Variants in FBXL4 observed in about 807,000 individuals in gnomAD.
FBXL4 encodes the protein F-box and leucine rich repeat protein 4, also known as F-box/LRR-repeat protein 4.
In FBXL4, 40 loss-of-function variants were observed where a neutral mutation model predicts 58.9. The ratio of observed to expected loss-of-function variants is 0.68; its 90% CI spans 0.53 to 0.88. The LOEUF (loss-of-function observed/expected upper bound fraction) is 0.88. Among genes scored for constraint, FBXL4 ranks in the 40% least tolerant of loss-of-function variants. The pLI, the probability that FBXL4 is intolerant of heterozygous loss-of-function variation, is 0.00. For missense variants in FBXL4, 676 were observed against 734.4 expected (o/e 0.92, Z 0.92); for synonymous variants, 263 against 265.5 (o/e 0.99, Z 0.09).
At chr6:98,885,410 G>A (rs192041493) in intron 7 of FBXL4, among the ~76,000 whole-genome samples, 58 of 151,788 alleles carry the variant, frequency 3.8e-4, no homozygotes, top group South Asian at 2.5e-3. Flanking sequence ...AATTCTGGGT[G>A]TTTCTGTGAG....
intron 6 of FBXL4, among the ~76,000 whole-genome samples, chr6:98,905,129 G>A (rs1771749000): frequency 6.6e-6 from 1 of 152,142 alleles, no homozygotes; most frequent in Non-Finnish European, 1.5e-5. Flanking sequence ...CATCTGTGCT[G>A]CAAATATGAA....
At chr6:98,914,152 T>C (rs940680285) in intron 5 of FBXL4, among the ~76,000 whole-genome samples, 1 of 152,042 alleles carries the variant, frequency 6.6e-6, no homozygotes, top group Admixed American at 6.5e-5. Context: ...AATAACAGGA[T>C]CTGAAATTGT....
At chr6:98,925,460 T>G (rs995448128) in intron 4 of FBXL4, among the ~76,000 whole-genome samples, 6 of 152,200 alleles carry the variant, frequency 3.9e-5, no homozygotes, top group Non-Finnish European at 8.8e-5. Flanking sequence ...CTTGGTTGAG[T>G]AGCCTTCTTC....
intron 7 of FBXL4, among the ~76,000 whole-genome samples, chr6:98,884,750 T>C (rs576408257): frequency 2.6e-4 from 39 of 152,342 alleles, no homozygotes; most frequent in African/African-American, 9.4e-4. Context: ...TGAAAGATAA[T>C]GATTCTTAAC....
intron 2 of FBXL4, among the ~76,000 whole-genome samples, chr6:98,928,946 T>A (rs1318112150): frequency 6.6e-6 from 1 of 152,174 alleles, no homozygotes; most frequent in Non-Finnish European, 1.5e-5. Context: ...TGATACCTAC[T>A]GGCACTGCAT....
chr6:98,882,352 AT>A (rs1770883892), intron 7 of FBXL4, among the ~76,000 whole-genome samples: 3 of 151,716 alleles, frequency 2.0e-5, no homozygotes, highest in Non-Finnish European at 2.9e-5. Flanking sequence ...AAAATATATA[AT>A]TTTCCAATAC....
intron 5 of FBXL4, among the ~76,000 whole-genome samples, chr6:98,910,789 C>A (rs1772017011): frequency 6.6e-6 from 1 of 152,178 alleles, no homozygotes; most frequent in African/African-American, 2.4e-5. Context: ...ATCTGAGGTA[C>A]CGGGTTCATC....
At chr6:98,886,978 G>A (rs62423594) in intron 7 of FBXL4, among the ~76,000 whole-genome samples, 8,767 of 152,288 alleles carry the variant, frequency 0.058, 354 homozygotes, top group Non-Finnish European at 0.087. Flanking sequence ...GCCAGGTGTG[G>A]TGGCTCACGC....
At chr6:98,937,802 G>A (rs1224406941) in intron 1 of FBXL4, among the ~76,000 whole-genome samples, 1 of 152,178 alleles carries the variant, frequency 6.6e-6, no homozygotes, top group Non-Finnish European at 1.5e-5. Context: ...AAGGGTCCAT[G>A]TTGTAAAAGA....
At chr6:98,908,457 T>C (rs1355536746) in intron 5 of FBXL4, among the ~76,000 whole-genome samples, 1 of 152,222 alleles carries the variant, frequency 6.6e-6, no homozygotes. Flanking sequence ...TTGCAAATAA[T>C]ACTGCAATAT....
chr6:98,879,657 C>T (rs532909460), intron 8 of FBXL4, among the ~76,000 whole-genome samples: 8 of 151,942 alleles, frequency 5.3e-5, no homozygotes, highest in South Asian at 2.1e-4. Context: ...CCGAGGCGGG[C>T]GGATCACAAG....
intron 7 of FBXL4, among the ~76,000 whole-genome samples, chr6:98,886,207 A>C (rs1771034243): frequency 6.6e-6 from 1 of 152,210 alleles, no homozygotes; most frequent in South Asian, 2.1e-4. Context: ...GCAATAGATA[A>C]ATAACAGAGT....
At chr6:98,892,470 C>G (rs1303279120) in intron 7 of FBXL4, among the ~76,000 whole-genome samples, 1 of 152,120 alleles carries the variant, frequency 6.6e-6, no homozygotes, top group Non-Finnish European at 1.5e-5. Flanking sequence ...AAAGCTCATC[C>G]CTGCTCTACT....
intron 5 of FBXL4, among the ~76,000 whole-genome samples, chr6:98,907,166 G>C (rs1771846439): frequency 6.6e-6 from 1 of 152,198 alleles, no homozygotes; most frequent in Non-Finnish European, 1.5e-5. Flanking sequence ...CAGCTTCAAA[G>C]AGTCAGGGGC....
intron 1 of FBXL4, among the ~76,000 whole-genome samples, chr6:98,938,322 A>G (rs577341851): frequency 4.8e-4 from 73 of 152,270 alleles, no homozygotes; most frequent in Non-Finnish European, 8.8e-4. Flanking sequence ...AGTTCCTTAC[A>G]ACCCCCTGAT....
intron 4 of FBXL4, among the ~76,000 whole-genome samples, chr6:98,920,218 C>T (rs1002547921): frequency 1.3e-5 from 2 of 151,904 alleles, no homozygotes; most frequent in Non-Finnish European, 2.9e-5. Context: ...ACAAAAAGTC[C>T]TCTCTAGCTA....
At chr6:98,888,148 C>G (rs911628868) in intron 7 of FBXL4, among the ~76,000 whole-genome samples, 1 of 152,220 alleles carries the variant, frequency 6.6e-6, no homozygotes, top group Admixed American at 6.5e-5. Context: ...AGACCACCAA[C>G]TCAATAGTTT....
intron 1 of FBXL4, among the ~76,000 whole-genome samples, chr6:98,946,563 C>T (rs536560293): frequency 6.6e-6 from 1 of 152,128 alleles, no homozygotes; most frequent in East Asian, 1.9e-4. Flanking sequence ...TACCATTGTA[C>T]AGAGTACTAT....
intron 2 of FBXL4, among the ~76,000 whole-genome samples, chr6:98,930,288 C>G (rs779076171): frequency 6.6e-6 from 1 of 152,212 alleles, no homozygotes; most frequent in Non-Finnish European, 1.5e-5. Context: ...GGCATGATGG[C>G]TCACACCTGT....
Sources: allele counts gnomAD v4.1 joint callset (sites outside exome capture counted in the v4.1 genomes callset), GRCh38; gene constraint gnomAD v4.1.1; transcripts MANE v1.5; gene names NCBI Gene and HGNC (gene_info 2026-07-23, HGNC 2026-07-21).